The following PPP2R5C variants were observed in gnomAD, a reference collection of about 807,000 sequenced individuals.
PPP2R5C encodes the protein protein phosphatase 2 regulatory subunit B'gamma.
In PPP2R5C, 7 loss-of-function variants were observed where a neutral mutation model predicts 68.9. That is an observed-to-expected ratio of 0.10 (90% confidence interval 0.06 to 0.19). The LOEUF (loss-of-function observed/expected upper bound fraction) is 0.19. PPP2R5C is among the 10% of genes least tolerant of loss of function. The pLI is 1.00. For missense variants in PPP2R5C, 348 were observed against 641.3 expected, an observed-to-expected ratio of 0.54 and a Z score of 4.94; for synonymous variants, 210 against 222.2, an observed-to-expected ratio of 0.95 and a Z score of 0.49.
At chr14:101,904,384 A>G (rs1042135364) in intron 9 of PPP2R5C, among the ~76,000 whole-genome samples, 3 of 151,858 alleles carry the variant, frequency 2.0e-5, no homozygotes, top group Admixed American at 1.3e-4. Flanking sequence ...TCCTGACCTC[A>G]AGTGATCCAC....
intron 2 of PPP2R5C, among the ~76,000 whole-genome samples, chr14:101,775,763 G>T (rs1419515635): frequency 6.6e-6 from 1 of 152,154 alleles, no homozygotes; most frequent in Non-Finnish European, 1.5e-5. Context: ...ATAATTTCAA[G>T]GCCCTTCTGG....
intron 1 of PPP2R5C, among the ~76,000 whole-genome samples, chr14:101,853,631 A>C (rs908760890): frequency 6.6e-6 from 1 of 152,172 alleles, no homozygotes; most frequent in African/African-American, 2.4e-5. Context: ...AATGATCCCA[A>C]CATCCTTTTG....
At chr14:101,902,610 G>T (rs961072121) in intron 9 of PPP2R5C, among the ~76,000 whole-genome samples, 6 of 152,218 alleles carry the variant, frequency 3.9e-5, no homozygotes, top group African/African-American at 1.4e-4. Flanking sequence ...AGGCCACACA[G>T]TGGAAGAGAG....
Position 101,842,223 on chromosome 14 carries a change from C to T in PPP2R5C, c.95-14463C>T, listed in dbSNP as rs573598865. 5.3e-5 allele frequency among the ~76,000 whole-genome samples: 8 copies of T among 152,240 alleles called. No individual in the cohort carries two copies. In the East Asian group the frequency reaches 1.4e-3, roughly 26 times the overall value. On this transcript the variant is annotated intron_variant, in intron 1 of 13. Coordinates refer to ENST00000334743, the Ensembl canonical transcript of PPP2R5C. The stretch of plus-strand genomic sequence containing the variant: ...AAAATGAACCTTTTAGCTGGTAAAC[C>T]TCTTGAATAACCGGCCAGCCATATT...
rs1022269875 is a variant in PPP2R5C, at chr14:101,778,092, T to G, written c.94-7926T>G. Among the ~76,000 whole-genome samples, 4 of 152,320 alleles carry G rather than the reference T, an allele frequency of 2.6e-5. No homozygotes were observed. The East Asian group carries it at 5.8e-4, about 22-fold the overall frequency. ...GCCATGCTAACAAGTTATTTTTCAGTTTGAAAAAGAATAGGTATCCCAGCA... is the reference window on the plus strand; with the variant it reads ...GCCATGCTAACAAGTTATTTTTCAGGTTGAAAAAGAATAGGTATCCCAGCA... On this transcript the variant is annotated intron_variant, in intron 2 of 14. Transcript: ENST00000328724.
chr14:101,917,676 C>T lies in PPP2R5C; in HGVS notation c.1327-155C>T. Reference sequence around the variant, plus strand: ...TGGTTTCAGAAGTCAGCAGCCGCATCATGTTGCAGGTGTAGGCGAGTCTCC... The same window carrying T: ...TGGTTTCAGAAGTCAGCAGCCGCATTATGTTGCAGGTGTAGGCGAGTCTCC... On this transcript the variant is annotated intron_variant, in intron 12 of 13. Coordinates refer to ENST00000334743, the Ensembl canonical transcript of PPP2R5C. The surrounding 1 kb of genome is among the most constrained non-coding windows in gnomAD (Gnocchi z 4.4). 1.1e-6 allele frequency: 1 copy of T among 920,972 alleles called. No individual in the cohort carries two copies. Among genetic ancestry groups the T allele is most frequent in the African/African-American group, 1.7e-5 (1 of 60,418 alleles). 57.1% of individuals were successfully genotyped at this position (920,972 alleles called of 1,614,324 possible). A position where few individuals can be genotyped will look rare whatever the true frequency, so the allele number is the denominator to read the frequency against.
intron 8 of PPP2R5C, among the ~76,000 whole-genome samples, chr14:101,895,534 T>C (rs1357697799): frequency 6.6e-6 from 1 of 152,200 alleles, no homozygotes; most frequent in African/African-American, 2.4e-5. Context: ...AATTTGACTA[T>C]TCTAGGTACC....
chr14:101,856,593 CAAAATA>C lies in PPP2R5C; in HGVS notation c.95-86_95-81del, dbSNP rs1204316871. The stretch of plus-strand genomic sequence containing the variant: ...TCTCCTTTTTTCTTGAATCTCTATT[CAAAATA>C]AAAATAGAAGAAAGCTTAAATGTGT... On this transcript the variant is annotated intron_variant, in intron 1 of 13. Coordinates refer to ENST00000334743, the Ensembl canonical transcript of PPP2R5C. The C allele has an allele frequency of 7.5e-6, 9 of 1,201,530 alleles. No individual in the cohort carries two copies. In the African/African-American group the frequency reaches 1.4e-4, roughly 18 times the overall value. 74.4% of individuals were successfully genotyped at this position (1,201,530 alleles called of 1,614,324 possible).
chr14:101,823,820 A>G (rs1276047695), intron 1 of PPP2R5C: 1 of 1,187,758 alleles, frequency 8.4e-7, no homozygotes, highest in Non-Finnish European at 1.1e-6. Flanking sequence ...GGATCTATCT[A>G]CACGGTACTT....
At chr14:101,795,589 A>C (rs755198964) in intron 3 of PPP2R5C, among the ~76,000 whole-genome samples, 65 of 152,160 alleles carry the variant, frequency 4.3e-4, no homozygotes, top group Non-Finnish European at 8.1e-4. Context: ...AGAAAAGAAA[A>C]GACTAGGAGA....
At chr14:101,765,475 T>C (rs2036803246) in intron 2 of PPP2R5C, 1 of 554,054 alleles carries the variant, frequency 1.8e-6, no homozygotes, top group Non-Finnish European at 3.2e-6. Context: ...TTGCACACTT[T>C]TTCCCTCTCC....
intron 1 of PPP2R5C, chr14:101,818,590 C>T (rs367775828): frequency 7.3e-5 from 12 of 165,248 alleles, no homozygotes; most frequent in Non-Finnish European, 1.4e-4. Flanking sequence ...GCCGAGATCA[C>T]GCCACTGCAC....
rs2046054384 is a variant in PPP2R5C, at chr14:101,906,809, A to C, written c.1151+280A>C. ...AGGCCTCTTCCTGAGCGTCCTGCAGAGAAGCTGAAGGTCTCTGCAGAGCCC... is the reference window on the plus strand; with the variant it reads ...AGGCCTCTTCCTGAGCGTCCTGCAGCGAAGCTGAAGGTCTCTGCAGAGCCC... On this transcript the variant is annotated intron_variant, in intron 10 of 13. Transcript: ENST00000334743. The surrounding 1 kb of genome is among the most constrained non-coding windows in gnomAD (Gnocchi z 4.0). Among the ~76,000 whole-genome samples the C allele has an allele frequency of 6.6e-6, 1 of 152,076 alleles. No homozygotes were observed. Among genetic ancestry groups the C allele is most frequent in the Non-Finnish European group, 1.5e-5 (1 of 68,002 alleles).
intron 2 of PPP2R5C, among the ~76,000 whole-genome samples, chr14:101,769,277 T>C (rs2037027210): frequency 6.6e-6 from 1 of 152,258 alleles, no homozygotes; most frequent in African/African-American, 2.4e-5. Context: ...TTCTGTGTCA[T>C]GTACACTGTG....
At chr14:101,866,352 T>G (rs2043064825) in intron 2 of PPP2R5C, among the ~76,000 whole-genome samples, 1 of 152,192 alleles carries the variant, frequency 6.6e-6, no homozygotes, top group African/African-American at 2.4e-5. Context: ...AAATCAAACT[T>G]AGGGAGAGAA....
intron 2 of PPP2R5C, among the ~76,000 whole-genome samples, chr14:101,876,940 CTTTTTTTT>C (rs11318528): frequency 2.2e-5 from 2 of 90,892 alleles, no homozygotes; most frequent in Admixed American, 1.1e-4. Flanking sequence ...AGGATTTACG[CTTTTTTTT>C]TTTTTTTTTT....
At chr14:101,856,694 C>T (rs749728423) in exon 2 of PPP2R5C, 1 of 1,613,962 alleles carries the variant, frequency 6.2e-7, no homozygotes, top group South Asian at 1.1e-5. Flanking sequence ...AGATGTTCCT[C>T]CTGCTGATCA....
intron 2 of PPP2R5C, among the ~76,000 whole-genome samples, chr14:101,773,733 T>C (rs1332700589): frequency 6.6e-6 from 1 of 152,172 alleles, no homozygotes; most frequent in Non-Finnish European, 1.5e-5. Flanking sequence ...CTCACTCTGT[T>C]GCCCAGGCTG....
intron 2 of PPP2R5C, among the ~76,000 whole-genome samples, chr14:101,768,264 C>T (rs2036961323): frequency 2.6e-5 from 4 of 152,192 alleles, no homozygotes; most frequent in Admixed American, 2.6e-4. Flanking sequence ...GCTTACAAAC[C>T]ATGCCTGGCA....
Sources: allele counts gnomAD v4.1 joint callset (sites outside exome capture counted in the v4.1 genomes callset), GRCh38; gene constraint gnomAD v4.1.1; non-coding constraint Gnocchi (gnomAD v3.1); transcripts MANE v1.5; gene names NCBI Gene and HGNC (gene_info 2026-07-23, HGNC 2026-07-21).